Variants in UBE2E2 observed in about 807,000 individuals in gnomAD.
UBE2E2 encodes the protein ubiquitin conjugating enzyme E2 E2.
Under a neutral mutation model 24.7 loss-of-function variants are expected in UBE2E2, and 6 were observed. The ratio of observed to expected loss-of-function variants is 0.24; its 90% CI spans 0.13 to 0.48. UBE2E2 has a LOEUF of 0.48. Among genes scored for constraint, UBE2E2 ranks in the 20% least tolerant of loss-of-function variants. The probability of loss-of-function intolerance (pLI) is 0.99; values close to 1 mark genes in which losing one functional copy is unlikely to be tolerated. For missense variants in UBE2E2, 169 were observed against 245.0 expected, an observed-to-expected ratio of 0.69 and a Z score of 2.07; for synonymous variants, 104 against 83.6, an observed-to-expected ratio of 1.24 and a Z score of -1.33.
At chr3:23,208,963 G>T in intron 2 of UBE2E2, 88 bp downstream of exon 2, 1 of 1,351,280 alleles carries the variant, frequency 7.4e-7, no homozygotes, top group Non-Finnish European at 9.9e-7. Flanking sequence ...CATTTTTTCT[G>T]GGATGTCGGC....
chr3:23,418,526 A>G (rs35273607), intron 3 of UBE2E2, among the ~76,000 whole-genome samples: 11,026 of 152,232 alleles, frequency 0.072, 522 homozygotes, highest in Non-Finnish European at 0.088. Context: ...TATTTTTAGT[A>G]AAGACGGGGT....
chr3:23,417,392 A>C (rs1052369577), intron 3 of UBE2E2, among the ~76,000 whole-genome samples: 8 of 152,286 alleles, frequency 5.3e-5, no homozygotes, highest in Admixed American at 3.9e-4. Flanking sequence ...GCAGAACAGC[A>C]AAGATTGCTG....
At chr3:23,500,061 A>C (rs1559403846) in intron 4 of UBE2E2, among the ~76,000 whole-genome samples, 1 of 152,150 alleles carries the variant, frequency 6.6e-6, no homozygotes. Context: ...CAGGGTGAGT[A>C]CCAGAGCCCA....
intron 3 of UBE2E2, among the ~76,000 whole-genome samples, chr3:23,272,118 C>T (rs1410911569): frequency 6.6e-6 from 1 of 152,178 alleles, no homozygotes; most frequent in Non-Finnish European, 1.5e-5. Context: ...TGCTGGAGCC[C>T]ACCGCCAGGG....
chr3:23,538,409 T>C (rs935304025), intron 5 of UBE2E2, among the ~76,000 whole-genome samples: 4 of 152,188 alleles, frequency 2.6e-5, no homozygotes, highest in African/African-American at 9.6e-5. Flanking sequence ...AGGAAAGCTA[T>C]GGTTATAGAG....
intron 3 of UBE2E2, among the ~76,000 whole-genome samples, chr3:23,452,386 C>T (rs1375524390): frequency 6.6e-6 from 1 of 152,026 alleles, no homozygotes; most frequent in Non-Finnish European, 1.5e-5. Flanking sequence ...AACCAGCTGA[C>T]AGTCCTCCAT....
chr3:23,400,283 A>G (rs1367670885), intron 3 of UBE2E2, among the ~76,000 whole-genome samples: 1 of 152,198 alleles, frequency 6.6e-6, no homozygotes, highest in East Asian at 1.9e-4. Flanking sequence ...TTGTCTAATT[A>G]ACCACATTCT....
rs188323363 is a variant in UBE2E2 at position 23,435,082 on chromosome 3, A to G, written c.228-64526A>G. 2.0e-5 allele frequency among the ~76,000 whole-genome samples: 3 copies of G among 152,350 alleles called. No individual in the cohort carries two copies. The East Asian group carries it at 5.8e-4, about 29-fold the overall frequency. On this transcript the variant is annotated intron_variant, in intron 3 of 5. Coordinates refer to ENST00000396703, the MANE Select transcript of UBE2E2 (RefSeq NM_152653.4). ...TAGTGGCTGAAATTAAGTGATGTCT[A>G]GTAAATAAGCCAGATTGCTTCTTAA...
intron 3 of UBE2E2, among the ~76,000 whole-genome samples, chr3:23,251,564 A>C (rs115139668): frequency 3.0e-3 from 464 of 152,312 alleles, no homozygotes; most frequent in Non-Finnish European, 5.7e-3. Flanking sequence ...CCATGTACCT[A>C]CTATGTTTGT....
In UBE2E2 at chr3:23,474,329, T is replaced by C. The variant is rs946002903; in HGVS notation, c.228-25279T>C. Among the ~76,000 whole-genome samples, 3 of 152,212 alleles carry C rather than the reference T, an allele frequency of 2.0e-5. No homozygotes were observed. The highest frequency in any genetic ancestry group is 2.9e-5 in the Non-Finnish European group (2 of 68,012). ...TAGATTTTGAAGATTTTTCCCACTC[T>C]GTGGGTTATCTGTTTACTGACTGAA... is the stretch of plus-strand genomic sequence containing the variant. On this transcript the variant is annotated intron_variant, in intron 3 of 5. Transcript: ENST00000396703. The surrounding 1 kb of genome is among the most constrained non-coding windows in gnomAD (Gnocchi z 4.0).
chr3:23,482,959 G>C (rs868610989), intron 3 of UBE2E2, among the ~76,000 whole-genome samples: 15 of 152,182 alleles, frequency 9.9e-5, no homozygotes, highest in Admixed American at 9.2e-4. Context: ...ATTGCTAAGT[G>C]TTTAGGAGAT....
At chr3:23,417,795 C>A (rs577351251) in intron 3 of UBE2E2, among the ~76,000 whole-genome samples, 1 of 152,276 alleles carries the variant, frequency 6.6e-6, no homozygotes, top group African/African-American at 2.4e-5. Flanking sequence ...GCTACAGCGG[C>A]GCTTTGCAAG....
rs189954483 is a variant in UBE2E2 at position 23,488,596 on chromosome 3, G to A, written c.228-11012G>A. Reference sequence around the variant, plus strand: ...ATAATTATGCAATTAGAATGATACCGGGAAGCTTTACATTTCACCGTGTAT... The same window carrying A: ...ATAATTATGCAATTAGAATGATACCAGGAAGCTTTACATTTCACCGTGTAT... On this transcript the variant is annotated intron_variant, in intron 3 of 5. Transcript: ENST00000396703. Among the ~76,000 whole-genome samples the A allele has an allele frequency of 1.6e-4, 25 of 152,232 alleles. No individual in the cohort carries two copies. In the East Asian group the frequency reaches 3.3e-3, roughly 20 times the overall value.
chr3:23,552,438 T>A (rs1477729961), intron 5 of UBE2E2, among the ~76,000 whole-genome samples: 1 of 152,180 alleles, frequency 6.6e-6, no homozygotes, highest in Admixed American at 6.5e-5. Context: ...GTTGAGTAGA[T>A]CTGGATTTCA....
chr3:23,458,590 TG>T (rs1195461800), intron 3 of UBE2E2, among the ~76,000 whole-genome samples: 5 of 152,098 alleles, frequency 3.3e-5, no homozygotes, highest in Admixed American at 6.5e-5. Context: ...GCTAATTTTT[TG>T]TATTTTTAGT....
At chr3:23,236,107 C>T (rs1697100329) in intron 3 of UBE2E2, among the ~76,000 whole-genome samples, 1 of 151,880 alleles carries the variant, frequency 6.6e-6, no homozygotes, top group South Asian at 2.1e-4. Context: ...AGGAGTTTGC[C>T]ATCTAGGGGG....
intron 4 of UBE2E2, among the ~76,000 whole-genome samples, chr3:23,530,648 G>A (rs1474099212): frequency 6.6e-6 from 1 of 152,040 alleles, no homozygotes; most frequent in Non-Finnish European, 1.5e-5. Context: ...CGCTTTCTTT[G>A]GTAAGTTTCT....
At chr3:23,314,723 T>A (rs189581912) in intron 3 of UBE2E2, among the ~76,000 whole-genome samples, 1 of 152,322 alleles carries the variant, frequency 6.6e-6, no homozygotes, top group Non-Finnish European at 1.5e-5. Flanking sequence ...CCAGATATGC[T>A]TTTCTGAGTA....
intron 5 of UBE2E2, among the ~76,000 whole-genome samples, chr3:23,568,109 A>G (rs991882613): frequency 6.6e-6 from 1 of 152,200 alleles, no homozygotes. Context: ...TCCACAGTCA[A>G]AGGCAGGCAG....
Sources: gnomAD v4.1 joint callset for allele counts (sites outside exome capture counted in the v4.1 genomes callset) on GRCh38, gnomAD v4.1.1 for gene constraint, Gnocchi (gnomAD v3.1) non-coding constraint, MANE v1.5 for transcripts, NCBI Gene and HGNC (gene_info 2026-07-23, HGNC 2026-07-21) for gene names.